The following ABTB3 variants were observed in gnomAD, a reference collection of about 807,000 sequenced individuals.
ABTB3 encodes the protein ankyrin repeat and BTB domain containing 3.
the ABTB3 span, among the ~76,000 whole-genome samples, chr12:107,508,451 T>TTG: frequency 1.6e-5 from 2 of 121,844 alleles, no homozygotes; most frequent in South Asian, 3.1e-4. Flanking sequence ...TTTTTTTTTT[T>TTG]TTTTTTTTTT....
the ABTB3 span, among the ~76,000 whole-genome samples, chr12:107,529,161 G>T: frequency 7.7e-6 from 1 of 129,948 alleles, no homozygotes; most frequent in African/African-American, 2.9e-5. Flanking sequence ...GGAGATGATG[G>T]TAGTGATGAT....
At chr12:107,644,156 A>G in the ABTB3 span, among the ~76,000 whole-genome samples, 1 of 152,222 alleles carries the variant, frequency 6.6e-6, no homozygotes, top group African/African-American at 2.4e-5. Context: ...CGATAGAGCC[A>G]GGATTTGAAC....
chr12:107,417,283 A>G, the ABTB3 span, among the ~76,000 whole-genome samples: 1 of 152,176 alleles, frequency 6.6e-6, no homozygotes, highest in African/African-American at 2.4e-5. Context: ...ATAACAAAAT[A>G]CCACAAACTG....
chr12:107,531,421 T>C, the ABTB3 span, among the ~76,000 whole-genome samples: 3 of 152,186 alleles, frequency 2.0e-5, no homozygotes, highest in Admixed American at 2.0e-4. Flanking sequence ...GTAATAGTGG[T>C]AATAATAGTT....
At chr12:107,603,068 G>A in the ABTB3 span, among the ~76,000 whole-genome samples, 3 of 152,308 alleles carry the variant, frequency 2.0e-5, no homozygotes, top group East Asian at 3.9e-4. Flanking sequence ...TGATGCCCCA[G>A]GTGACCAGCT....
At chr12:107,588,693 G>A in the ABTB3 span, among the ~76,000 whole-genome samples, 1 of 152,148 alleles carries the variant, frequency 6.6e-6, no homozygotes, top group African/African-American at 2.4e-5. Flanking sequence ...GCTACTTTTT[G>A]TATTTTTAGT....
At chr12:107,403,955 G>T in the ABTB3 span, among the ~76,000 whole-genome samples, 3 of 152,092 alleles carry the variant, frequency 2.0e-5, no homozygotes, top group African/African-American at 7.2e-5. Context: ...CTGAGGTCAG[G>T]AGTTCGAGAC....
the ABTB3 span, among the ~76,000 whole-genome samples, chr12:107,624,904 G>A: frequency 6.6e-6 from 1 of 152,178 alleles, no homozygotes; most frequent in Non-Finnish European, 1.5e-5. Flanking sequence ...TAAATAAACT[G>A]CCAAACTGTT....
chr12:107,550,241 T>C, the ABTB3 span, among the ~76,000 whole-genome samples: 38 of 152,258 alleles, frequency 2.5e-4, no homozygotes, highest in African/African-American at 8.7e-4. Flanking sequence ...CCACTAGTAC[T>C]AGGCACAGAC....
At chr12:107,385,478 G>C in the ABTB3 span, among the ~76,000 whole-genome samples, 2 of 152,230 alleles carry the variant, frequency 1.3e-5, no homozygotes, top group Non-Finnish European at 2.9e-5. Context: ...ACAAATATTA[G>C]TTATTTGATT....
chr12:107,436,306 G>A, the ABTB3 span, among the ~76,000 whole-genome samples: 4 of 152,170 alleles, frequency 2.6e-5, no homozygotes, highest in Non-Finnish European at 4.4e-5. Flanking sequence ...CTTATTGACC[G>A]GTCTCTGTGT....
chr12:107,388,227 C>A, the ABTB3 span, among the ~76,000 whole-genome samples: 2 of 152,132 alleles, frequency 1.3e-5, no homozygotes, highest in African/African-American at 4.8e-5. Context: ...TCACCTCAGA[C>A]TCCCAAAGTG....
At chr12:107,399,500 A>T in the ABTB3 span, among the ~76,000 whole-genome samples, 1 of 152,086 alleles carries the variant, frequency 6.6e-6, no homozygotes, top group Non-Finnish European at 1.5e-5. Context: ...GGGGGACCCA[A>T]GGATGCAGAA....
chr12:107,374,542 C>T, the ABTB3 span, among the ~76,000 whole-genome samples: 459 of 152,314 alleles, frequency 3.0e-3, no homozygotes, highest in South Asian at 4.1e-3. Flanking sequence ...TCAAAGTGAG[C>T]TCCGTGGCCC....
the ABTB3 span, among the ~76,000 whole-genome samples, chr12:107,643,426 AG>A: frequency 7.1e-6 from 1 of 140,526 alleles, no homozygotes. Flanking sequence ...AAAAAAAAAA[AG>A]GTTTCCAAAG....
the ABTB3 span, among the ~76,000 whole-genome samples, chr12:107,633,443 A>G: frequency 1.3e-5 from 2 of 152,172 alleles, no homozygotes; most frequent in African/African-American, 4.8e-5. Flanking sequence ...TACTCCTGCA[A>G]AGTCGCTTTT....
chr12:107,441,959 A>C, the ABTB3 span, among the ~76,000 whole-genome samples: 1 of 151,936 alleles, frequency 6.6e-6, no homozygotes, highest in African/African-American at 2.4e-5. Flanking sequence ...AAAAAGGAAA[A>C]AGGAAAAAAA....
chr12:107,358,232 A>G, the ABTB3 span, among the ~76,000 whole-genome samples: 1 of 152,194 alleles, frequency 6.6e-6, no homozygotes, highest in African/African-American at 2.4e-5. Context: ...AAAATGAACC[A>G]GGGAATGAGG....
the ABTB3 span, chr12:107,581,156 T>C: frequency 1.3e-6 from 2 of 1,543,950 alleles, no homozygotes; most frequent in Non-Finnish European, 1.7e-6. Flanking sequence ...CCGCAGGCCC[T>C]TCCTCGTGCT....
Sources: gnomAD v4.1 joint callset for allele counts (sites outside exome capture counted in the v4.1 genomes callset) on GRCh38, gnomAD v4.1.1 for gene constraint, MANE v1.5 for transcripts, NCBI Gene and HGNC (gene_info 2026-07-23, HGNC 2026-07-21) for gene names.